Variants in TANC2 observed in about 807,000 individuals in gnomAD.
TANC2 encodes the protein protein TANC2.
A neutral mutation model predicts 210.5 loss-of-function variants in TANC2; 26 were observed. That is an observed-to-expected ratio of 0.12 (90% CI 0.09 to 0.17). The LOEUF (loss-of-function observed/expected upper bound fraction) is 0.17, where lower values mean the gene tolerates loss of function less well. Ranked by LOEUF, TANC2 falls within the 10% of genes least tolerant of loss-of-function variation. The pLI is 1.00. For synonymous variants in TANC2, 931 were observed against 967.1 expected (o/e 0.96, Z 0.69); for missense variants, 2,129 against 2,608.9 (o/e 0.82, Z 4.01).
At chr17:63,396,097 G>T in intron 18 of TANC2, 169 bp downstream of exon 18, 1 of 634,616 alleles carries the variant, frequency 1.6e-6, no homozygotes, top group Non-Finnish European at 2.7e-6. Flanking sequence ...TTACTCAAAT[G>T]CCAAAGTCCC....
At chr17:63,086,018 A>T (rs1332398264) in intron 3 of TANC2, among the ~76,000 whole-genome samples, 1 of 151,344 alleles carries the variant, frequency 6.6e-6, no homozygotes, top group Non-Finnish European at 1.5e-5. Flanking sequence ...AGGGTATAGA[A>T]TTCTAGGTTT....
intron 19 of TANC2, among the ~76,000 whole-genome samples, chr17:63,404,878 G>T (rs1363468752): frequency 6.6e-6 from 1 of 152,174 alleles, no homozygotes; most frequent in Non-Finnish European, 1.5e-5. Flanking sequence ...AAGTGAGTTT[G>T]ATTAAAGGTG....
At chr17:63,389,691 C>T in intron 17 of TANC2, 147 bp downstream of exon 17, 1 of 809,528 alleles carries the variant, frequency 1.2e-6, no homozygotes, top group Non-Finnish European at 2.0e-6. Flanking sequence ...GCTGGTTCTG[C>T]ATATGTGCAG....
At chr17:63,107,111 G>A (rs2037856453) in intron 4 of TANC2, among the ~76,000 whole-genome samples, 1 of 151,460 alleles carries the variant, frequency 6.6e-6, no homozygotes, top group African/African-American at 2.4e-5. Context: ...AGGTTATGAT[G>A]AAAATTGGAA....
chr17:62,976,849 T>C (rs1278146784), intron 1 of TANC2, among the ~76,000 whole-genome samples: 1 of 152,208 alleles, frequency 6.6e-6, no homozygotes, highest in Non-Finnish European at 1.5e-5. Flanking sequence ...TTTTTACCTT[T>C]CTTAGCATTC....
chr17:63,238,101 T>A (rs909974384), intron 8 of TANC2, 24 bp downstream of exon 8: 1 of 1,511,934 alleles, frequency 6.6e-7, no homozygotes. Context: ...GTTGTTGTTG[T>A]TGTTGCTGTT....
chr17:62,986,570 G>T (rs1249506300), intron 1 of TANC2, among the ~76,000 whole-genome samples: 1 of 151,988 alleles, frequency 6.6e-6, no homozygotes, highest in East Asian at 1.9e-4. Context: ...TGCTTGGCTG[G>T]CCAGAGGCTT....
intron 9 of TANC2, among the ~76,000 whole-genome samples, chr17:63,304,631 G>T (rs1452955739): frequency 6.6e-6 from 1 of 152,298 alleles, no homozygotes; most frequent in South Asian, 2.1e-4. Context: ...GGGGTGCTTT[G>T]CTGGGTAGGG....
chr17:63,201,045 T>C, intron 7 of TANC2, 88 bp downstream of exon 7: 1 of 1,236,770 alleles, frequency 8.1e-7, no homozygotes, highest in South Asian at 1.6e-5. Flanking sequence ...AAAATTCTGC[T>C]TTTGAATTGT....
Position 63,191,502 on chromosome 17 carries a change from G to T in TANC2, c.434-2489G>T, listed in dbSNP as rs1232795111. On this transcript the variant is annotated intron_variant, in intron 5 of 27. Transcript: ENST00000689528. ...TTTTCAGACAGGATCTTGCTCTGTT[G>T]CCCAGGCTGGAGTGCAGTGACATGA... 2.6e-5 allele frequency among the ~76,000 whole-genome samples: 4 copies of T among 151,936 alleles called. No homozygotes were observed. In the South Asian group the frequency reaches 6.2e-4, roughly 24 times the overall value.
At chr17:63,417,089 A>AG (rs201119041) in intron 26 of TANC2, among the ~76,000 whole-genome samples, 3,122 of 152,320 alleles carry the variant, frequency 0.02, 41 homozygotes, top group South Asian at 0.038. Flanking sequence ...GAGCAGGGAG[A>AG]GGGTGACCCA....
At chr17:63,221,971 A>G (rs2042204952) in intron 7 of TANC2, among the ~76,000 whole-genome samples, 1 of 152,244 alleles carries the variant, frequency 6.6e-6, no homozygotes, top group Non-Finnish European at 1.5e-5. Flanking sequence ...AGCTTTATTC[A>G]TGATGGCTGA....
At chr17:62,978,923 AGCATTTAATAAAATTTTG>A in intron 1 of TANC2, 1 of 152,318 alleles carries the variant, frequency 6.6e-6, no homozygotes, top group East Asian at 1.9e-4. Flanking sequence ...ATGCCAGCAA[AGCATTTAATAAAATTTTG>A]GAATAATTTC....
At chr17:63,220,822 G>A (rs1402352184) in intron 7 of TANC2, among the ~76,000 whole-genome samples, 2 of 147,032 alleles carry the variant, frequency 1.4e-5, no homozygotes, top group African/African-American at 5.0e-5. Flanking sequence ...GTATATATAC[G>A]TGTATATGTA....
chr17:63,355,964 A>AT (rs2046770086), intron 14 of TANC2, among the ~76,000 whole-genome samples: 1 of 152,132 alleles, frequency 6.6e-6, no homozygotes, highest in Non-Finnish European at 1.5e-5. Context: ...CATTATCTCC[A>AT]TTTTGCTATA....
chr17:63,249,863 T>C (rs1477518872), intron 8 of TANC2, among the ~76,000 whole-genome samples: 1 of 152,196 alleles, frequency 6.6e-6, no homozygotes, highest in Non-Finnish European at 1.5e-5. Context: ...ATTTTACTAC[T>C]ATAATCTGTT....
chr17:63,185,787 T>G (rs1316416313), intron 5 of TANC2, among the ~76,000 whole-genome samples: 3 of 152,240 alleles, frequency 2.0e-5, no homozygotes, highest in African/African-American at 7.2e-5. Flanking sequence ...ATTAGCTATT[T>G]GGATATTCTC....
intron 18 of TANC2, chr17:63,397,017 G>A (rs935148763): frequency 1.3e-5 from 2 of 151,768 alleles, no homozygotes; most frequent in Non-Finnish European, 1.5e-5. Flanking sequence ...GCTCACGCCT[G>A]TAATCCCAGC....
At chr17:63,223,175 G>A (rs2042240440) in intron 7 of TANC2, among the ~76,000 whole-genome samples, 1 of 152,120 alleles carries the variant, frequency 6.6e-6, no homozygotes, top group Non-Finnish European at 1.5e-5. Context: ...TTTTGGAGCT[G>A]AATAGAGGTG....
Sources: allele counts gnomAD v4.1 joint callset (sites outside exome capture counted in the v4.1 genomes callset), GRCh38; gene constraint gnomAD v4.1.1; transcripts MANE v1.5; gene names NCBI Gene and HGNC (gene_info 2026-07-23, HGNC 2026-07-21).